The following CCSER1 variants were observed in gnomAD, a reference collection of about 807,000 sequenced individuals.
CCSER1 encodes the protein serine-rich coiled-coil domain-containing protein 1.
A neutral mutation model predicts 82.0 loss-of-function variants in CCSER1; 41 were observed. That is an observed-to-expected ratio of 0.50 (90% confidence interval 0.39 to 0.65). CCSER1 has a LOEUF of 0.65. Ranked by LOEUF, CCSER1 falls within the 30% of genes least tolerant of loss-of-function variation. The probability of loss-of-function intolerance (pLI) is 0.00; values close to 1 mark genes in which losing one functional copy is unlikely to be tolerated. For missense variants in CCSER1, 1,119 were observed against 1,064.2 expected (o/e 1.05, Z -0.72); for synonymous variants, 414 against 383.9 (o/e 1.08, Z -0.92).
chr4:90,969,841 A>G (rs567621457), intron 9 of CCSER1, among the ~76,000 whole-genome samples: 1 of 152,012 alleles, frequency 6.6e-6, no homozygotes, highest in Non-Finnish European at 1.5e-5. Context: ...GTAAAAGACA[A>G]AAGTGTTTAA....
intron 9 of CCSER1, among the ~76,000 whole-genome samples, chr4:90,973,133 C>G (rs371879168): frequency 2.0e-5 from 3 of 151,578 alleles, no homozygotes; most frequent in Non-Finnish European, 4.4e-5. Flanking sequence ...CCCTAAAGTA[C>G]AGACAATAAA....
chr4:90,861,926 A>ATATATATTTTTT (rs1486179354), intron 8 of CCSER1, among the ~76,000 whole-genome samples: 1 of 125,684 alleles, frequency 8.0e-6, no homozygotes, highest in Non-Finnish European at 1.7e-5. Flanking sequence ...ATATATATAT[A>ATATATATTTTTT]TTTTTTTTTT....
intron 9 of CCSER1, among the ~76,000 whole-genome samples, chr4:91,059,307 C>T (rs935344673): frequency 5.0e-5 from 4 of 79,254 alleles, no homozygotes; most frequent in South Asian, 3.5e-4. Context: ...TATATATATA[C>T]GTGTATATAT....
chr4:91,235,408 C>A (rs1382694450), intron 10 of CCSER1, among the ~76,000 whole-genome samples: 1 of 152,098 alleles, frequency 6.6e-6, no homozygotes, highest in Non-Finnish European at 1.5e-5. Context: ...AGAAAACCTT[C>A]AATTTATATT....
intron 10 of CCSER1, among the ~76,000 whole-genome samples, chr4:91,442,691 C>T (rs537148850): frequency 4.5e-3 from 601 of 134,392 alleles, no homozygotes; most frequent in Non-Finnish European, 6.1e-3. Flanking sequence ...AGGCAACCTA[C>T]AAAATGGGAG....
intron 10 of CCSER1, among the ~76,000 whole-genome samples, chr4:91,462,592 G>A (rs1756573271): frequency 6.6e-6 from 1 of 152,110 alleles, no homozygotes; most frequent in African/African-American, 2.4e-5. Flanking sequence ...AAGGGGTCAA[G>A]GAATTCCCTT....
At chr4:91,527,540 A>T (rs1760826437) in intron 10 of CCSER1, among the ~76,000 whole-genome samples, 1 of 152,158 alleles carries the variant, frequency 6.6e-6, no homozygotes. Flanking sequence ...ATAGAAATAG[A>T]AAGGAGAAAA....
At position 91,225,326 on chromosome 4, in the gene CCSER1, ATATATATTATATATGTAATATATATGT is replaced by A. The variant is rs1191753952; in HGVS notation, c.2217+139333_2217+139359del. ...TATATTATATATGTAATATATATGTATATATATTATATATGTAATATATATGTATATATATTATATATGTAATATATA... is the reference window on the plus strand; with the variant it reads ...TATATTATATATGTAATATATATGTAATATATATTATATATGTAATATATA... On this transcript the variant is annotated intron_variant, in intron 10 of 10. Coordinates refer to ENST00000509176, the MANE Select transcript of CCSER1 (RefSeq NM_001145065.2). Among the ~76,000 whole-genome samples, 230 of 128,098 alleles carry A rather than the reference ATATATATTATATATGTAATATATATGT, an allele frequency of 1.8e-3. 5 individuals carry two copies. The East Asian group carries it at 0.031, about 17-fold the overall frequency. The allele number at this position is 128,098 out of a possible 152,430, so 84.0% of individuals were successfully genotyped here. A position where few individuals can be genotyped will look rare whatever the true frequency, so the allele number is the denominator to read the frequency against.
intron 8 of CCSER1, among the ~76,000 whole-genome samples, chr4:90,882,926 A>G (rs1414770862): frequency 6.6e-6 from 1 of 152,096 alleles, no homozygotes; most frequent in Admixed American, 6.5e-5. Flanking sequence ...AACAATATTT[A>G]TGTTCATGTT....
chr4:90,230,595 A>G (rs1370255825), intron 1 of CCSER1, among the ~76,000 whole-genome samples: 1 of 151,682 alleles, frequency 6.6e-6, no homozygotes, highest in Non-Finnish European at 1.5e-5. Flanking sequence ...TTCAAAAGCT[A>G]GCAGAAGGCA....
At chr4:90,197,772 C>T (rs1183805401) in intron 1 of CCSER1, among the ~76,000 whole-genome samples, 2 of 151,582 alleles carry the variant, frequency 1.3e-5, no homozygotes, top group Admixed American at 6.6e-5. Flanking sequence ...AGGATGGGTA[C>T]CAGAGGCTGG....
chr4:90,341,955 T>C (rs2153504887), intron 3 of CCSER1, among the ~76,000 whole-genome samples: 1 of 152,258 alleles, frequency 6.6e-6, no homozygotes, highest in African/African-American at 2.4e-5. Flanking sequence ...TGCAGGGGTT[T>C]ATTTGGTGGA....
At chr4:90,706,235 C>T (rs2149303187) in intron 6 of CCSER1, among the ~76,000 whole-genome samples, 1 of 152,284 alleles carries the variant, frequency 6.6e-6, no homozygotes, top group African/African-American at 2.4e-5. Context: ...TGGACTAAGA[C>T]TGAAAACCAC....
At position 91,568,264 on chromosome 4, in the gene CCSER1, A is replaced by T. The variant is rs894727289; in HGVS notation, c.2218-30308A>T. Among the ~76,000 whole-genome samples the T allele has an allele frequency of 4.0e-5, 6 of 151,798 alleles. No homozygotes were observed. The South Asian group carries it at 1.0e-3, about 26-fold the overall frequency. On this transcript the variant is annotated intron_variant, in intron 10 of 10. Transcript: ENST00000509176. ...TGTAGGTGACCTGCCCTTTCTTTCT[A>T]AGCTGCCTTTAACATTCTTGCTTTC...
At chr4:91,333,503 G>C (rs774580050) in intron 10 of CCSER1, among the ~76,000 whole-genome samples, 28 of 151,860 alleles carry the variant, frequency 1.8e-4, no homozygotes, top group Non-Finnish European at 3.5e-4. Flanking sequence ...CCATTATATA[G>C]GGCTAAAACA....
At chr4:91,156,053 A>G (rs1730784509) in intron 10 of CCSER1, among the ~76,000 whole-genome samples, 1 of 151,888 alleles carries the variant, frequency 6.6e-6, no homozygotes, top group Non-Finnish European at 1.5e-5. Context: ...GAGTGAATGT[A>G]ATATCTGAGA....
At chr4:90,698,807 C>T (rs1737471542) in intron 6 of CCSER1, among the ~76,000 whole-genome samples, 1 of 152,072 alleles carries the variant, frequency 6.6e-6, no homozygotes, top group African/African-American at 2.4e-5. Flanking sequence ...GTTTGTAAAC[C>T]AACTCAACAA....
chr4:91,412,003 T>G (rs575853890), intron 10 of CCSER1, among the ~76,000 whole-genome samples: 30 of 152,214 alleles, frequency 2.0e-4, no homozygotes, highest in African/African-American at 7.0e-4. Context: ...GTTAGGAGGT[T>G]CTCCACTTGT....
intron 1 of CCSER1, among the ~76,000 whole-genome samples, chr4:90,280,440 G>T: frequency 6.6e-6 from 1 of 150,758 alleles, no homozygotes; most frequent in Non-Finnish European, 1.5e-5. Context: ...AGGACTCACT[G>T]AACCCAGAGA....
Sources: allele counts gnomAD v4.1 joint callset (sites outside exome capture counted in the v4.1 genomes callset), GRCh38; gene constraint gnomAD v4.1.1; transcripts MANE v1.5; gene names NCBI Gene and HGNC (gene_info 2026-07-23, HGNC 2026-07-21).